The following VWA8 variants were observed in gnomAD, a reference collection of about 807,000 sequenced individuals.
VWA8 encodes von Willebrand factor A domain containing 8.
In VWA8, 221 loss-of-function variants were observed where a neutral mutation model predicts 241.5. That is an observed-to-expected ratio of 0.91 (90% CI 0.82 to 1.02). VWA8 has a LOEUF of 1.02. Among genes scored for constraint, VWA8 ranks in the 50% least tolerant of loss-of-function variants. VWA8 has a pLI of 0.00. For synonymous variants in VWA8, 852 were observed against 827.1 expected (o/e 1.03, Z -0.52); for missense variants, 2,322 against 2,328.7 (o/e 1.00, Z 0.06).
chr13:41,674,004 T>C (rs1228338897), intron 36 of VWA8, among the ~76,000 whole-genome samples: 2 of 152,242 alleles, frequency 1.3e-5, no homozygotes, highest in Non-Finnish European at 2.9e-5. Context: ...GTTACTTGAA[T>C]TAGTATATTT....
intron 3 of VWA8, among the ~76,000 whole-genome samples, chr13:41,909,223 T>A (rs1593862168): frequency 1.3e-5 from 2 of 152,226 alleles, no homozygotes; most frequent in Admixed American, 1.3e-4. Flanking sequence ...CATGCCTGGC[T>A]AATGTTTGTA....
intron 2 of VWA8, among the ~76,000 whole-genome samples, chr13:41,931,279 T>TAAA (rs67470859): frequency 1.0e-4 from 9 of 90,332 alleles, no homozygotes; most frequent in African/African-American, 3.4e-4. Context: ...GACCCAGGGT[T>TAAA]AAAAAAAAAA....
chr13:41,591,957 C>T (rs1285751701), intron 40 of VWA8, among the ~76,000 whole-genome samples: 3 of 144,186 alleles, frequency 2.1e-5, no homozygotes, highest in African/African-American at 7.7e-5. Context: ...CCAGCCATCC[C>T]ATTACTGGGT....
chr13:41,916,435 G>C (rs1262045593), intron 2 of VWA8, among the ~76,000 whole-genome samples: 1 of 152,206 alleles, frequency 6.6e-6, no homozygotes, highest in Non-Finnish European at 1.5e-5. Context: ...ATCAAATTTA[G>C]CAGACTTGCT....
intron 4 of VWA8, among the ~76,000 whole-genome samples, chr13:41,898,927 G>T (rs1374731425): frequency 6.6e-6 from 1 of 152,124 alleles, no homozygotes; most frequent in East Asian, 1.9e-4. Context: ...GCCCGCAAGC[G>T]CCGCGCGCAG....
intron 21 of VWA8, among the ~76,000 whole-genome samples, chr13:41,755,172 T>C (rs765960063): frequency 5.3e-5 from 8 of 152,176 alleles, no homozygotes; most frequent in Non-Finnish European, 1.0e-4. Flanking sequence ...TTTCAGTTTT[T>C]TGAGGAACCT....
At chr13:41,759,441 G>A (rs1248091172) in intron 21 of VWA8, among the ~76,000 whole-genome samples, 1 of 151,440 alleles carries the variant, frequency 6.6e-6, no homozygotes, top group Non-Finnish European at 1.5e-5. Flanking sequence ...TGAGCTTCCT[G>A]AATTGGTGAT....
Position 41,833,353 on chromosome 13 carries a change from T to C in VWA8, c.1586+18A>G, listed in dbSNP as rs1156618299. The C allele has an allele frequency of 6.3e-7, 1 of 1,590,994 alleles. No individual in the cohort carries two copies. The highest frequency in any genetic ancestry group is 2.2e-5 in the East Asian group (1 of 44,552). Reference sequence around the variant, plus strand: ...GTGGGGTGTGTGTCTGTGTGTGATTTTTGTGACTCATACCCACCTTTGCAA... The same window carrying C: ...GTGGGGTGTGTGTCTGTGTGTGATTCTTGTGACTCATACCCACCTTTGCAA... On this transcript the variant is annotated intron_variant, in intron 13 of 44. Transcript: ENST00000379310.
At chr13:41,662,003 A>AC (rs1051919385) in intron 37 of VWA8, among the ~76,000 whole-genome samples, 2 of 152,076 alleles carry the variant, frequency 1.3e-5, no homozygotes, top group Non-Finnish European at 2.9e-5. Flanking sequence ...CATTGATTTA[A>AC]TTTTTTTGCG....
At chr13:41,944,191 T>C (rs1877738720) in intron 2 of VWA8, among the ~76,000 whole-genome samples, 1 of 151,874 alleles carries the variant, frequency 6.6e-6, no homozygotes, top group Admixed American at 6.6e-5. Flanking sequence ...TAAGGACCTC[T>C]GAAAATTCAT....
At chr13:41,680,346 T>G (rs1011430582) in intron 35 of VWA8, among the ~76,000 whole-genome samples, 1 of 152,176 alleles carries the variant, frequency 6.6e-6, no homozygotes, top group African/African-American at 2.4e-5. Context: ...GTTCTAATCT[T>G]AGGCCTGTGC....
intron 21 of VWA8, among the ~76,000 whole-genome samples, chr13:41,747,792 G>C (rs1401282830): frequency 2.0e-5 from 3 of 152,300 alleles, no homozygotes; most frequent in South Asian, 4.1e-4. Flanking sequence ...AATTTATTGA[G>C]AGTTTTTAGC....
chr13:41,828,057 G>A (rs940890989), intron 14 of VWA8, among the ~76,000 whole-genome samples: 1 of 152,084 alleles, frequency 6.6e-6, no homozygotes, highest in South Asian at 2.1e-4. Flanking sequence ...TATGATATGC[G>A]AAGGATCTCT....
chr13:41,911,971 A>C, intron 3 of VWA8, 67 bp downstream of exon 3: 3 of 1,373,506 alleles, frequency 2.2e-6, no homozygotes, highest in Non-Finnish European at 2.9e-6. Flanking sequence ...ATAAATTCTT[A>C]ATCTTATTTT....
At chr13:41,875,328 C>A (rs1873846490) in intron 9 of VWA8, among the ~76,000 whole-genome samples, 1 of 152,014 alleles carries the variant, frequency 6.6e-6, no homozygotes, top group Non-Finnish European at 1.5e-5. Flanking sequence ...TGTCCTTTTC[C>A]ACCTCAGCTA....
At chr13:41,858,271 T>G (rs1025305856) in intron 12 of VWA8, among the ~76,000 whole-genome samples, 1 of 152,162 alleles carries the variant, frequency 6.6e-6, no homozygotes, top group African/African-American at 2.4e-5. Context: ...ATTTAAAATA[T>G]TCTACATAAA....
intron 17 of VWA8, among the ~76,000 whole-genome samples, chr13:41,794,440 G>A (rs761567594): frequency 2.0e-5 from 3 of 152,140 alleles, no homozygotes; most frequent in Non-Finnish European, 4.4e-5. Context: ...CTGCATGCCT[G>A]TTGTTGGTGT....
intron 40 of VWA8, among the ~76,000 whole-genome samples, chr13:41,600,072 T>C (rs534784781): frequency 7.8e-4 from 118 of 152,180 alleles, no homozygotes; most frequent in Non-Finnish European, 1.5e-3. Flanking sequence ...TTAGCTCTCA[T>C]GCAGTTACTC....
Position 41,784,745 on chromosome 13 carries a change from T to TATATATATACACACAC in VWA8, c.2171-845_2171-844insGTGTGTGTATATATAT, listed in dbSNP as rs1555335154. 2.2e-4 allele frequency among the ~76,000 whole-genome samples: 22 copies of TATATATATACACACAC among 102,270 alleles called. 1 individual carries two copies. Among genetic ancestry groups the TATATATATACACACAC allele is most frequent in the South Asian group, 1.1e-3 (3 of 2,786 alleles). The allele number at this position is 102,270 out of a possible 152,430, so 67.1% of individuals were successfully genotyped here. ...ATATATATATACACACACATATATATATATATATATATATATACACACACA... is the reference window on the plus strand; with the variant it reads ...ATATATATATACACACACATATATATATATATATACACACACATATATATATATATATACACACACA... On this transcript the variant is annotated intron_variant, in intron 18 of 44. Coordinates refer to ENST00000379310, the MANE Select transcript of VWA8 (RefSeq NM_015058.2).
Sources: gnomAD v4.1 joint callset for allele counts (sites outside exome capture counted in the v4.1 genomes callset) on GRCh38, gnomAD v4.1.1 for gene constraint, MANE v1.5 for transcripts, NCBI Gene and HGNC (gene_info 2026-07-23, HGNC 2026-07-21) for gene names.